Variants in RPSA2 observed in about 807,000 individuals in gnomAD.
RPSA2 encodes the protein small ribosomal subunit protein uS2B.
the RPSA2 span, among the ~76,000 whole-genome samples, chr19:23,851,683 G>A: frequency 6.6e-6 from 1 of 152,166 alleles, no homozygotes; most frequent in East Asian, 1.9e-4. Flanking sequence ...ATAAGGGGTA[G>A]AAATAAGCTT....
At chr19:23,831,589 T>A in the RPSA2 span, 3 of 166,076 alleles carry the variant, frequency 1.8e-5, no homozygotes, top group Non-Finnish European at 4.4e-5. Context: ...TTATTTTTAT[T>A]TTTTTAGGTA....
At chr19:23,832,737 A>G in the RPSA2 span, 1 of 1,544,050 alleles carries the variant, frequency 6.5e-7, no homozygotes, top group Non-Finnish European at 8.8e-7. Context: ...AAGAATATGA[A>G]AAAGCTTTTA....
the RPSA2 span, among the ~76,000 whole-genome samples, chr19:23,844,767 G>C: frequency 6.6e-6 from 1 of 151,678 alleles, no homozygotes; most frequent in Non-Finnish European, 1.5e-5. Context: ...TGGTAGCAGG[G>C]TGGTACTGAC....
At chr19:23,808,617 T>A in the RPSA2 span, 3 of 318,880 alleles carry the variant, frequency 9.4e-6, no homozygotes, top group Non-Finnish European at 1.9e-5. Context: ...TTGGGATAAA[T>A]TTATTAGAAT....
the RPSA2 span, among the ~76,000 whole-genome samples, chr19:23,824,561 T>A: frequency 7.3e-6 from 1 of 137,792 alleles, no homozygotes; most frequent in South Asian, 2.4e-4. Context: ...TTAAGCAAAA[T>A]TGACTCATTA....
At chr19:23,848,440 G>A in the RPSA2 span, among the ~76,000 whole-genome samples, 1 of 152,180 alleles carries the variant, frequency 6.6e-6, no homozygotes, top group African/African-American at 2.4e-5. Context: ...TGGAGCCCCT[G>A]GTAGACTTAA....
At chr19:23,793,021 G>A in the RPSA2 span, among the ~76,000 whole-genome samples, 2 of 152,174 alleles carry the variant, frequency 1.3e-5, no homozygotes, top group East Asian at 1.9e-4. Flanking sequence ...CTGAGGGTAA[G>A]CTCAAAGTTC....
the RPSA2 span, among the ~76,000 whole-genome samples, chr19:23,829,388 G>A: frequency 7.7e-3 from 1,167 of 152,090 alleles, 17 homozygotes; most frequent in African/African-American, 0.026. Flanking sequence ...CGCAATCTCC[G>A]CCTCCTGGGT....
At chr19:23,801,009 G>A in the RPSA2 span, among the ~76,000 whole-genome samples, 1 of 152,208 alleles carries the variant, frequency 6.6e-6, no homozygotes, top group African/African-American at 2.4e-5. Flanking sequence ...AGACCATGGA[G>A]CCCAGAAACC....
chr19:23,783,525 T>C, the RPSA2 span, among the ~76,000 whole-genome samples: 1 of 132,338 alleles, frequency 7.6e-6, no homozygotes, highest in Admixed American at 8.6e-5. Context: ...TTTTCTATTC[T>C]GCTTGAGCAC....
chr19:23,846,915 G>T, the RPSA2 span, among the ~76,000 whole-genome samples: 1 of 152,300 alleles, frequency 6.6e-6, no homozygotes, highest in South Asian at 2.1e-4. Context: ...TATTGCTAGA[G>T]TTGGGAAGTT....
chr19:23,839,173 A>G, the RPSA2 span, among the ~76,000 whole-genome samples: 1 of 152,120 alleles, frequency 6.6e-6, no homozygotes, highest in Admixed American at 6.5e-5. Context: ...TTTAATTTCC[A>G]TATTGATTTT....
chr19:23,870,138 C>T, the RPSA2 span, among the ~76,000 whole-genome samples: 2 of 152,158 alleles, frequency 1.3e-5, no homozygotes, highest in African/African-American at 4.8e-5. Flanking sequence ...CTCATCATGC[C>T]TGTAGAGCCT....
At chr19:23,870,755 G>A in the RPSA2 span, among the ~76,000 whole-genome samples, 2 of 152,054 alleles carry the variant, frequency 1.3e-5, no homozygotes, top group Non-Finnish European at 2.9e-5. Flanking sequence ...TGCCCAACCT[G>A]GCCTTACATT....
chr19:23,840,821 A>G, the RPSA2 span, among the ~76,000 whole-genome samples: 97,562 of 151,592 alleles, frequency 0.64, 31,784 homozygotes, highest in East Asian at 0.8. Flanking sequence ...AATTAGCCGG[A>G]CACTGTGGCA....
the RPSA2 span, chr19:23,798,797 A>G: frequency 6.6e-6 from 1 of 152,180 alleles, no homozygotes; most frequent in Admixed American, 6.5e-5. Flanking sequence ...ACAAATTGGA[A>G]TGCTGCTATT....
the RPSA2 span, among the ~76,000 whole-genome samples, chr19:23,868,030 G>T: frequency 1.3e-5 from 2 of 152,132 alleles, no homozygotes; most frequent in African/African-American, 4.8e-5. Context: ...ATTTAGAGGA[G>T]TCAGTTCCCG....
chr19:23,831,228 T>A, the RPSA2 span, among the ~76,000 whole-genome samples: 1 of 152,060 alleles, frequency 6.6e-6, no homozygotes, highest in African/African-American at 2.4e-5. Flanking sequence ...AAGTCAGAAA[T>A]AACAACGAAT....
the RPSA2 span, among the ~76,000 whole-genome samples, chr19:23,862,411 T>G: frequency 2.2e-3 from 330 of 151,686 alleles, 2 homozygotes; most frequent in African/African-American, 7.7e-3. Flanking sequence ...CTTCCAACAC[T>G]ATGTTGAATA....
Sources: allele counts gnomAD v4.1 joint callset (sites outside exome capture counted in the v4.1 genomes callset), GRCh38; gene constraint gnomAD v4.1.1; transcripts MANE v1.5; gene names NCBI Gene and HGNC (gene_info 2026-07-23, HGNC 2026-07-21).